REDIC1: variants seen among roughly 807,000 people sequenced by gnomAD.
The protein encoded by REDIC1 is HEI10 Interacting Protein 1.
At chr12:39,864,139 C>T in the REDIC1 span, among the ~76,000 whole-genome samples, 14 of 152,202 alleles carry the variant, frequency 9.2e-5, no homozygotes, top group Non-Finnish European at 1.9e-4. Context: ...CTCAGTCCAT[C>T]TATCCATTTA....
chr12:39,821,915 T>C, the REDIC1 span, among the ~76,000 whole-genome samples: 23 of 152,108 alleles, frequency 1.5e-4, no homozygotes, highest in Admixed American at 1.4e-3. Context: ...GAAAAGAATA[T>C]TATTAATTTT....
chr12:39,789,209 T>C, the REDIC1 span, among the ~76,000 whole-genome samples: 1 of 152,294 alleles, frequency 6.6e-6, no homozygotes, highest in Admixed American at 6.5e-5. Context: ...CTGTGTTATT[T>C]ATATCCTTGT....
the REDIC1 span, among the ~76,000 whole-genome samples, chr12:39,762,351 T>C: frequency 1.4e-5 from 2 of 145,908 alleles, no homozygotes; most frequent in Admixed American, 6.9e-5. Context: ...AGGATTTAAA[T>C]CTTATTAGAG....
the REDIC1 span, among the ~76,000 whole-genome samples, chr12:39,635,658 G>C: frequency 6.6e-6 from 1 of 151,940 alleles, no homozygotes; most frequent in East Asian, 1.9e-4. Flanking sequence ...CGGGGGGCTG[G>C]GGGAGGGATA....
chr12:39,797,738 A>ACACATACGCG, the REDIC1 span, among the ~76,000 whole-genome samples: 10 of 52,548 alleles, frequency 1.9e-4, 1 homozygote, highest in African/African-American at 3.6e-4. Context: ...ACACACACAC[A>ACACATACGCG]CACACACACA....
chr12:39,704,681 A>G, the REDIC1 span, among the ~76,000 whole-genome samples: 1 of 152,254 alleles, frequency 6.6e-6, no homozygotes, highest in Admixed American at 6.5e-5. Context: ...CCAAATGTCC[A>G]ACAATGATAG....
At chr12:39,896,565 T>TATAC in the REDIC1 span, among the ~76,000 whole-genome samples, 1 of 106,774 alleles carries the variant, frequency 9.4e-6, no homozygotes, top group African/African-American at 3.2e-5. Context: ...TGTATACATA[T>TATAC]ATGTATGTAT....
the REDIC1 span, among the ~76,000 whole-genome samples, chr12:39,830,752 T>C: frequency 1.3e-5 from 2 of 152,116 alleles, no homozygotes; most frequent in Non-Finnish European, 2.9e-5. Context: ...TAAATAAAAA[T>C]ACTACTACTC....
chr12:39,827,003 G>A, the REDIC1 span, among the ~76,000 whole-genome samples: 1 of 144,988 alleles, frequency 6.9e-6, no homozygotes, highest in Non-Finnish European at 1.5e-5. Context: ...TACTTTTAAT[G>A]GCAAAAAGTA....
the REDIC1 span, among the ~76,000 whole-genome samples, chr12:39,828,607 C>T: frequency 1.3e-5 from 2 of 151,886 alleles, no homozygotes; most frequent in African/African-American, 2.4e-5. Flanking sequence ...TAGTAGAGTT[C>T]TAATAAGTTT....
At chr12:39,896,273 TGTATAC>T in the REDIC1 span, among the ~76,000 whole-genome samples, 13 of 131,992 alleles carry the variant, frequency 9.8e-5, no homozygotes, top group Admixed American at 1.0e-3. Context: ...TGTGTATATA[TGTATAC>T]ATGTATGTAT....
the REDIC1 span, among the ~76,000 whole-genome samples, chr12:39,737,147 C>A: frequency 2.0e-5 from 3 of 152,244 alleles, no homozygotes; most frequent in South Asian, 6.2e-4. Flanking sequence ...ACAATTGATA[C>A]TCAATAACTC....
the REDIC1 span, among the ~76,000 whole-genome samples, chr12:39,749,330 T>C: frequency 1.3e-5 from 2 of 152,106 alleles, no homozygotes; most frequent in African/African-American, 4.8e-5. Context: ...AAGAAATGGA[T>C]AAATTCCTCG....
At chr12:39,700,425 A>G in the REDIC1 span, among the ~76,000 whole-genome samples, 1 of 152,230 alleles carries the variant, frequency 6.6e-6, no homozygotes, top group Non-Finnish European at 1.5e-5. Flanking sequence ...TCCAAGAAAT[A>G]TGGGACTATG....
chr12:39,662,065 G>C, the REDIC1 span, among the ~76,000 whole-genome samples: 3 of 152,030 alleles, frequency 2.0e-5, no homozygotes, highest in Admixed American at 6.6e-5. Context: ...AATATATTTT[G>C]AAGTTGGGTA....
the REDIC1 span, among the ~76,000 whole-genome samples, chr12:39,878,121 G>C: frequency 6.6e-6 from 1 of 152,208 alleles, no homozygotes. Flanking sequence ...TTCCTCAAAA[G>C]CCTACATAGG....
chr12:39,700,197 A>T, the REDIC1 span, among the ~76,000 whole-genome samples: 1 of 152,142 alleles, frequency 6.6e-6, no homozygotes, highest in African/African-American at 2.4e-5. Context: ...TTGAAAAAAA[A>T]CTTAGAAGAA....
chr12:39,720,922 G>A, the REDIC1 span: 17 of 1,613,616 alleles, frequency 1.1e-5, no homozygotes, highest in Admixed American at 5.0e-5. Context: ...TGTTAAAAAC[G>A]ATGACAAAAT....
chr12:39,742,063 G>C, the REDIC1 span, among the ~76,000 whole-genome samples: 1 of 152,114 alleles, frequency 6.6e-6, no homozygotes, highest in Non-Finnish European at 1.5e-5. Flanking sequence ...AAATGGTGGG[G>C]GGTATAATGA....
Sources: allele counts gnomAD v4.1 joint callset (sites outside exome capture counted in the v4.1 genomes callset), GRCh38; gene constraint gnomAD v4.1.1; transcripts MANE v1.5; gene names NCBI Gene and HGNC (gene_info 2026-07-23, HGNC 2026-07-21).